ACADSB: variants seen among roughly 807,000 people sequenced by gnomAD.
ACADSB encodes the protein short/branched chain specific acyl-CoA dehydrogenase, mitochondrial.
ACADSB carries 40 observed loss-of-function variants against 54.1 expected under a neutral mutation model. The observed-to-expected ratio is 0.74, with a 90% confidence interval of 0.57 to 0.96. The LOEUF (loss-of-function observed/expected upper bound fraction) is 0.96. Among genes scored for constraint, ACADSB ranks in the 40% least tolerant of loss-of-function variants. The pLI is 0.00. For missense variants in ACADSB, 530 were observed against 510.4 expected, an observed-to-expected ratio of 1.04 and a Z score of -0.37; for synonymous variants, 182 against 182.8, an observed-to-expected ratio of 1.00 and a Z score of 0.03.
chr10:123,046,566 A>G (rs1023804350), intron 7 of ACADSB, among the ~76,000 whole-genome samples: 1 of 152,202 alleles, frequency 6.6e-6, no homozygotes, highest in African/African-American at 2.4e-5. Flanking sequence ...GTTGAGGTTT[A>G]GGTCACACTC....
At position 123,034,375 on chromosome 10, in the gene ACADSB, CTTGT is replaced by C. The variant is rs764829170; in HGVS notation, c.67_70del (p.Ser24LeufsTer20). On this transcript the variant is annotated frameshift_variant, in exon 2 of 11. Coordinates refer to ENST00000358776, the MANE Select transcript of ACADSB (RefSeq NM_001609.4). LOFTEE classifies it high-confidence loss of function. Reference sequence around the variant, plus strand: ...CTACAGCTAAGAAGAAATTTCCTGACTTGTTTGTCTTCTTGGAAGATTCCTCCTC... The same window carrying C: ...CTACAGCTAAGAAGAAATTTCCTGACTTGTCTTCTTGGAAGATTCCTCCTC... 3 of 1,613,824 alleles carry C rather than the reference CTTGT, an allele frequency of 1.9e-6. No homozygotes were observed. Among genetic ancestry groups the C allele is most frequent in the Non-Finnish European group, 1.7e-6 (2 of 1,179,980 alleles).
At chr10:123,030,036 AT>A (rs1304932095) in intron 1 of ACADSB, among the ~76,000 whole-genome samples, 1 of 152,198 alleles carries the variant, frequency 6.6e-6, no homozygotes, top group African/African-American at 2.4e-5. Flanking sequence ...CCTTAGTCTC[AT>A]TCCCAAGGAG....
chr10:123,037,684 C>A, intron 2 of ACADSB, 63 bp from the exon 3 acceptor site: 1 of 1,167,372 alleles, frequency 8.6e-7, no homozygotes, highest in South Asian at 1.3e-5. Context: ...AAAATTTTGT[C>A]AGCAAACTAT....
intron 1 of ACADSB, among the ~76,000 whole-genome samples, chr10:123,022,043 G>GAA (rs141546719): frequency 1.3e-5 from 2 of 151,856 alleles, no homozygotes; most frequent in Non-Finnish European, 2.9e-5. Context: ...TTCAAGAAGA[G>GAA]AAAAAAAATA....
rs1222008622 is a variant in ACADSB, at chr10:123,038,346, A to G, written c.303+499A>G. On this transcript the variant is annotated intron_variant, in intron 3 of 10. Coordinates refer to ENST00000358776, the MANE Select transcript of ACADSB (RefSeq NM_001609.4). ...GTTTATATTCTACCTGAAGCTCTAT[A>G]TAAGTGATAAACTTAGAAGCAGAGG... Among the ~76,000 whole-genome samples the G allele has an allele frequency of 4.6e-5, 7 of 152,264 alleles. No individual in the cohort carries two copies. The East Asian group carries it at 1.2e-3, about 25-fold the overall frequency.
intron 3 of ACADSB, among the ~76,000 whole-genome samples, chr10:123,039,239 C>T (rs958355272): frequency 6.6e-6 from 1 of 152,160 alleles, no homozygotes; most frequent in Non-Finnish European, 1.5e-5. Context: ...CAGATCCTTC[C>T]GTTCTTCCTC....
In ACADSB at chr10:123,052,985, GAA is replaced by G; in HGVS notation, c.1129-73_1129-72del. The G allele has an allele frequency of 1.7e-6, 2 of 1,199,194 alleles. No individual in the cohort carries two copies. The highest frequency in any genetic ancestry group is 2.5e-6 in the Non-Finnish European group (2 of 805,516). 74.3% of individuals were successfully genotyped at this position (1,199,194 alleles called of 1,614,324 possible). A position where few individuals can be genotyped will look rare whatever the true frequency, so the allele number is the denominator to read the frequency against. On this transcript the variant is annotated intron_variant, in intron 9 of 10. Transcript: ENST00000358776. The surrounding 1 kb of genome is among the most constrained non-coding windows in gnomAD (Gnocchi z 4.2). ...CCACTAACAGTAAATCCATGTTGCTGAAAATGTTACCCAGAAGTGTTTATCAT... is the reference window on the plus strand; with the variant it reads ...CCACTAACAGTAAATCCATGTTGCTGAATGTTACCCAGAAGTGTTTATCAT...
chr10:123,023,241 A>G (rs1297554454), intron 1 of ACADSB, among the ~76,000 whole-genome samples: 2 of 152,230 alleles, frequency 1.3e-5, no homozygotes, highest in Non-Finnish European at 2.9e-5. Context: ...ACCTCAAAAT[A>G]TCTAGCAGAG....
chr10:123,052,906 A>C lies in ACADSB; in HGVS notation c.1129-155A>C, dbSNP rs184353514. 2.3e-4 allele frequency: 156 copies of C among 691,538 alleles called. No individual in the cohort carries two copies. The African/African-American group carries it at 2.4e-3, about 11-fold the overall frequency. 42.8% of individuals were successfully genotyped at this position (691,538 alleles called of 1,614,324 possible). A position where few individuals can be genotyped will look rare whatever the true frequency, so the allele number is the denominator to read the frequency against. ...GATGTTTTACAGAAATGGTATGGAGAATGGGACTGAAGAGACAATGCTAGT... is the reference window on the plus strand; with the variant it reads ...GATGTTTTACAGAAATGGTATGGAGCATGGGACTGAAGAGACAATGCTAGT... On this transcript the variant is annotated intron_variant, in intron 9 of 10. Coordinates refer to ENST00000358776, the MANE Select transcript of ACADSB (RefSeq NM_001609.4). This position sits in a 1 kb window ranked among gnomAD's most constrained non-coding sequence, Gnocchi z 4.2.
chr10:123,015,287 C>T (rs1321282171), intron 1 of ACADSB, among the ~76,000 whole-genome samples: 1 of 152,254 alleles, frequency 6.6e-6, no homozygotes, highest in African/African-American at 2.4e-5. Flanking sequence ...TGGCAACCAT[C>T]AAAGAGTCTT....
At chr10:123,024,584 A>T (rs1264407131) in intron 1 of ACADSB, among the ~76,000 whole-genome samples, 2 of 152,260 alleles carry the variant, frequency 1.3e-5, no homozygotes, top group African/African-American at 4.8e-5. Context: ...GGCTAACCAA[A>T]CTATGCTACC....
At chr10:123,037,258 G>A (rs1397106511) in intron 2 of ACADSB, among the ~76,000 whole-genome samples, 1 of 152,178 alleles carries the variant, frequency 6.6e-6, no homozygotes, top group Non-Finnish European at 1.5e-5. Flanking sequence ...TGACCAAGCA[G>A]CTATGAAAAC....
At chr10:123,033,451 A>C (rs1850354863) in intron 1 of ACADSB, among the ~76,000 whole-genome samples, 1 of 152,206 alleles carries the variant, frequency 6.6e-6, no homozygotes, top group Non-Finnish European at 1.5e-5. Flanking sequence ...TGCATTTGTT[A>C]AAGGATTTGG....
chr10:123,015,291 G>A (rs143418309), intron 1 of ACADSB, among the ~76,000 whole-genome samples: 126 of 152,354 alleles, frequency 8.3e-4, no homozygotes, highest in African/African-American at 2.5e-3. Flanking sequence ...AACCATCAAA[G>A]AGTCTTTCTC....
intron 1 of ACADSB, among the ~76,000 whole-genome samples, chr10:123,027,928 C>T (rs1850276448): frequency 6.6e-6 from 1 of 152,190 alleles, no homozygotes; most frequent in African/African-American, 2.4e-5. Flanking sequence ...CATGATCTGA[C>T]CAGATCCTGC....
rs139290869 is a variant in ACADSB at position 123,046,206 on chromosome 10, A to G, written c.901-1003A>G. ...TTTTCTTGTGCCTTTAATTTTTAAC[A>G]TATTATTCTGTTCTCTAGAGAGTTC... is the stretch of plus-strand genomic sequence containing the variant. On this transcript the variant is annotated intron_variant, in intron 7 of 10. Transcript: ENST00000358776. Among the ~76,000 whole-genome samples, 748 of 152,368 alleles carry G rather than the reference A, an allele frequency of 4.9e-3. 3 individuals carry two copies. The highest frequency in any genetic ancestry group is 0.017 in the African/African-American group (711 of 41,588).
chr10:123,016,138 G>A (rs1477962664), intron 1 of ACADSB, among the ~76,000 whole-genome samples: 1 of 152,216 alleles, frequency 6.6e-6, no homozygotes, highest in Non-Finnish European at 1.5e-5. Flanking sequence ...AACTGAAAGT[G>A]TCTTAGAAGC....
intron 8 of ACADSB, among the ~76,000 whole-genome samples, chr10:123,048,859 G>A (rs537919420): frequency 1.3e-5 from 2 of 152,218 alleles, no homozygotes; most frequent in East Asian, 1.9e-4. Context: ...CTCCTGAGTA[G>A]CTGGGACTAC....
chr10:123,038,583 AT>A (rs553743545), intron 3 of ACADSB, among the ~76,000 whole-genome samples: 1 of 152,044 alleles, frequency 6.6e-6, no homozygotes, highest in Non-Finnish European at 1.5e-5. Flanking sequence ...TATAAAATAT[AT>A]TTTTTTTAAT....
Sources: allele counts gnomAD v4.1 joint callset (sites outside exome capture counted in the v4.1 genomes callset), GRCh38; gene constraint gnomAD v4.1.1; non-coding constraint Gnocchi (gnomAD v3.1); transcripts MANE v1.5; gene names NCBI Gene and HGNC (gene_info 2026-07-23, HGNC 2026-07-21).